CD276: variants seen among roughly 807,000 people sequenced by gnomAD.
The protein encoded by CD276 is CD276 antigen.
Under a neutral mutation model 50.0 loss-of-function variants are expected in CD276, and 34 were observed. That is an observed-to-expected ratio of 0.68 (90% CI 0.52 to 0.91). The LOEUF (loss-of-function observed/expected upper bound fraction) is 0.91. Ranked by LOEUF, CD276 falls within the 40% of genes least tolerant of loss-of-function variation. The probability of loss-of-function intolerance (pLI) is 0.00; values close to 1 mark genes in which losing one functional copy is unlikely to be tolerated. For missense variants in CD276, 634 were observed against 717.5 expected, an observed-to-expected ratio of 0.88 and a Z score of 1.33; for synonymous variants, 275 against 313.0, an observed-to-expected ratio of 0.88 and a Z score of 1.28.
At position 73,702,976 on chromosome 15, in the gene CD276, T is replaced by C. The variant is rs1900472079; in HGVS notation, c.623T>C (p.Leu208Pro). 3.1e-6 allele frequency: 5 copies of C among 1,614,190 alleles called. No homozygotes were observed. Among genetic ancestry groups the C allele is most frequent in the Non-Finnish European group, 4.2e-6 (5 of 1,180,036 alleles). ...GGCTTGTTTGATGTGCACAGCATCC[T>C]GCGGGTGGTGCTGGGTGCAAATGGC... ...EQGLFDVHSILRVVLGANGTY... is the reference protein window; with the variant it reads ...EQGLFDVHSIPRVVLGANGTY... The change falls in exon 4 of 10, where the codon CTG becomes CCG. Residue 208 changes from leucine to proline, a missense_variant. Transcript: ENST00000318443.
Position 73,708,323 on chromosome 15 carries a change from C to T in CD276, c.1370-16C>T. On this transcript the variant is annotated splice_polypyrimidine_tract_variant and intron_variant, in intron 6 of 9. Transcript: ENST00000318443. ...GCCAGGCATGACAGTCTCACTGTTG[C>T]TACTTTTCCTCTCAGGGCAGCCTAT... 2 of 1,612,990 alleles carry T rather than the reference C, an allele frequency of 1.2e-6. No homozygotes were observed. The highest frequency in any genetic ancestry group is 1.7e-6 in the Non-Finnish European group (2 of 1,179,578).
rs1295614950 is a variant in CD276, at chr15:73,704,944, G to C, written c.1369+472G>C. Among the ~76,000 whole-genome samples, 1 of 152,204 alleles carries C rather than the reference G, an allele frequency of 6.6e-6. No homozygotes were observed. Among genetic ancestry groups the C allele is most frequent in the African/African-American group, 2.4e-5 (1 of 41,446 alleles). On this transcript the variant is annotated intron_variant, in intron 6 of 9. Transcript: ENST00000318443. This position sits in a 1 kb window ranked among gnomAD's most constrained non-coding sequence, Gnocchi z 4.1. Reference sequence around the variant, plus strand: ...TCAGCTCTTCTTCCTGCAGACTTGCGCTCCACCCAGGCAGCCGTTGGATGG... The same window carrying C: ...TCAGCTCTTCTTCCTGCAGACTTGCCCTCCACCCAGGCAGCCGTTGGATGG...
intron 7 of CD276, chr15:73,709,441 T>A (rs1294698129): frequency 3.6e-6 from 2 of 560,444 alleles, no homozygotes; most frequent in Non-Finnish European, 6.3e-6. Flanking sequence ...AGTGGTGGGC[T>A]CCAGGCTGGG....
At chr15:73,697,623 C>T (rs1265372795) in intron 1 of CD276, 1 of 143,676 alleles carries the variant, frequency 7.0e-6, no homozygotes, top group Non-Finnish European at 1.5e-5. Context: ...GACTGGAGTA[C>T]AGTGGCGCGA....
exon 1 of CD276, chr15:73,684,363 CCGGGCCGCCCCCGGCCCCCATT>C (rs1899649006): frequency 6.6e-6 from 1 of 151,882 alleles, no homozygotes; most frequent in South Asian, 2.1e-4. Context: ...CTCGGACTCC[CCGGGCCGCCCCCGGCCCCCATT>C]CGGGCCGGGC....
At chr15:73,695,599 TC>T (rs1224492307) in intron 1 of CD276, among the ~76,000 whole-genome samples, 1 of 152,142 alleles carries the variant, frequency 6.6e-6, no homozygotes, top group East Asian at 1.9e-4. Context: ...TACCAGGAAC[TC>T]CGTAAGTAGT....
At position 73,702,330 on chromosome 15, in the gene CD276, T is replaced by C. The variant is rs756075404; in HGVS notation, c.155T>C (p.Phe52Ser). 5.0e-6 allele frequency: 8 copies of C among 1,613,354 alleles called. No individual in the cohort carries two copies. Among genetic ancestry groups the C allele is most frequent in the Admixed American group, 1.7e-5 (1 of 59,988 alleles). Reference protein sequence around the residue: ...VGTDATLCCSFSPEPGFSLAQ... With the variant: ...VGTDATLCCSSSPEPGFSLAQ... ...ACCGATGCCACCCTGTGCTGCTCCTTCTCCCCTGAGCCTGGCTTCAGCCTG... is the reference window on the plus strand; with the variant it reads ...ACCGATGCCACCCTGTGCTGCTCCTCCTCCCCTGAGCCTGGCTTCAGCCTG... Residue 52 changes from phenylalanine (F) to serine (S), a missense_variant, in exon 3 of 10, where the codon TTC becomes TCC. Phe to Ser is a radical substitution (Grantham distance 155). Coordinates refer to ENST00000318443, the MANE Select transcript of CD276 (RefSeq NM_001024736.2).
chr15:73,707,157 T>G (rs1192362011), intron 6 of CD276, among the ~76,000 whole-genome samples: 1 of 152,260 alleles, frequency 6.6e-6, no homozygotes, highest in Non-Finnish European at 1.5e-5. Context: ...TGCTGGGGTC[T>G]CTGCCGCCAA....
chr15:73,707,828 G>A (rs1483334540), intron 6 of CD276, among the ~76,000 whole-genome samples: 1 of 152,238 alleles, frequency 6.6e-6, no homozygotes, highest in Non-Finnish European at 1.5e-5. Context: ...TAGGGCTGAA[G>A]CAGTCAAAAG....
chr15:73,712,366 T>C (rs1198797349), intron 9 of CD276, among the ~76,000 whole-genome samples: 2 of 152,056 alleles, frequency 1.3e-5, no homozygotes, highest in African/African-American at 4.8e-5. Flanking sequence ...CAAGAATGGG[T>C]GAGGGAGAGG....
chr15:73,702,261 T>C lies in CD276; in HGVS notation c.86T>C (p.Leu29Pro). ...CCACTCCCCCTACCCCCAGGAGCCC[T>C]GGAGGTCCAGGTCCCTGAAGACCCA... The part of the protein sequence containing the change: ...GALWFCLTGA[L>P]EVQVPEDPVV... Residue 29 changes from leucine to proline, a missense_variant, in exon 3 of 10, where the codon CTG (leucine) becomes CCG (proline). Leu to Pro is a moderately conservative substitution (Grantham distance 98, BLOSUM62 -3). Transcript: ENST00000318443. 6.2e-7 allele frequency: 1 copy of C among 1,607,796 alleles called. No individual in the cohort carries two copies. The highest frequency in any genetic ancestry group is 8.5e-7 in the Non-Finnish European group (1 of 1,177,074).
intron 2 of CD276, among the ~76,000 whole-genome samples, chr15:73,700,190 G>T (rs141173952): frequency 6.6e-6 from 1 of 152,232 alleles, no homozygotes; most frequent in Non-Finnish European, 1.5e-5. Context: ...GCGTTTGCTT[G>T]CTTCCTCCCT....
intron 1 of CD276, among the ~76,000 whole-genome samples, chr15:73,688,773 C>T (rs1899864661): frequency 6.6e-6 from 1 of 152,186 alleles, no homozygotes. Flanking sequence ...GATTGCTACA[C>T]TCCGAGAGGG....
chr15:73,707,205 C>G (rs888830230), intron 6 of CD276, among the ~76,000 whole-genome samples: 1 of 152,232 alleles, frequency 6.6e-6, no homozygotes, highest in Admixed American at 6.5e-5. Flanking sequence ...GACAGGGCCT[C>G]CTGCAGAAGC....
rs1224574793 is a variant in CD276, at chr15:73,702,757, C to G, written c.419-15C>G. On this transcript the variant is annotated splice_polypyrimidine_tract_variant and intron_variant, in intron 3 of 9. Coordinates refer to ENST00000318443, the MANE Select transcript of CD276 (RefSeq NM_001024736.2). ...CATTGCCCTGCCCTTGACCCCTGCCCTCTGTCACCTCCAGCTCCCTACTCG... is the reference window on the plus strand; with the variant it reads ...CATTGCCCTGCCCTTGACCCCTGCCGTCTGTCACCTCCAGCTCCCTACTCG... 2 of 1,605,296 alleles carry G rather than the reference C, an allele frequency of 1.2e-6. No homozygotes were observed. The highest frequency in any genetic ancestry group is 3.4e-5 in the Admixed American group (2 of 59,068).
intron 9 of CD276, among the ~76,000 whole-genome samples, chr15:73,712,670 C>T (rs995751035): frequency 2.6e-4 from 40 of 152,036 alleles, no homozygotes; most frequent in Non-Finnish European, 5.6e-4. Context: ...GGAAGTGTAT[C>T]GGGCTGTGGG....
chr15:73,696,336 G>A lies in CD276; in HGVS notation c.-54-3250G>A, dbSNP rs879412884. 3.3e-5 allele frequency among the ~76,000 whole-genome samples: 5 copies of A among 152,244 alleles called. No homozygotes were observed. The South Asian group carries it at 8.3e-4, about 25-fold the overall frequency. On this transcript the variant is annotated intron_variant, in intron 1 of 9. Transcript: ENST00000318443. The stretch of plus-strand genomic sequence containing the variant: ...GTGGCTCCACGTGGCTCTGGGTCCC[G>A]GGCCGACCAGCTCTGTGTTCACAGG...
rs759909372 is a variant in CD276 at position 73,711,128 on chromosome 15, T to C, written c.1547-7T>C. ...CCCTCACCGTGTGCGCCTTCCTTTT[T>C]TTACAGCCCTGCAGCCTCTGAAACA... is the stretch of plus-strand genomic sequence containing the variant. On this transcript the variant is annotated splice_polypyrimidine_tract_variant and splice_region_variant and intron_variant, in intron 8 of 9. Coordinates refer to ENST00000318443, the MANE Select transcript of CD276 (RefSeq NM_001024736.2). The C allele has an allele frequency of 6.8e-6, 11 of 1,613,942 alleles. No individual in the cohort carries two copies. The highest frequency in any genetic ancestry group is 9.3e-6 in the Non-Finnish European group (11 of 1,180,024).
Position 73,687,787 on chromosome 15 carries a change from A to G in CD276, c.-55+3327A>G, listed in dbSNP as rs189910441. On this transcript the variant is annotated intron_variant, in intron 1 of 9. Coordinates refer to ENST00000318443, the MANE Select transcript of CD276 (RefSeq NM_001024736.2). The surrounding 1 kb of genome is among the most constrained non-coding windows in gnomAD (Gnocchi z 4.0). ...ATTGGGAATCTGACCTTCTCTAGGC[A>G]TAGGGAGCTTAATCTGCGGGAAGTG... is the stretch of plus-strand genomic sequence containing the variant. Among the ~76,000 whole-genome samples, 1 of 152,286 alleles carries G rather than the reference A, an allele frequency of 6.6e-6. No homozygotes were observed. Among genetic ancestry groups the G allele is most frequent in the East Asian group, 1.9e-4 (1 of 5,190 alleles).
Sources: allele counts gnomAD v4.1 joint callset (sites outside exome capture counted in the v4.1 genomes callset), GRCh38; gene constraint gnomAD v4.1.1; non-coding constraint Gnocchi (gnomAD v3.1); transcripts MANE v1.5; gene names NCBI Gene and HGNC (gene_info 2026-07-23, HGNC 2026-07-21).